Variants in ZBTB20 observed in about 807,000 individuals in gnomAD.
ZBTB20 encodes zinc finger and BTB domain-containing protein 20.
In ZBTB20, 9 loss-of-function variants were observed where a neutral mutation model predicts 56.9. That is an observed-to-expected ratio of 0.16 (90% confidence interval 0.10 to 0.28). The LOEUF (loss-of-function observed/expected upper bound fraction) is 0.28, where lower values mean the gene tolerates loss of function less well. ZBTB20 is among the 10% of genes least tolerant of loss of function. The probability of loss-of-function intolerance (pLI) is 1.00; values close to 1 mark genes in which losing one functional copy is unlikely to be tolerated. For synonymous variants in ZBTB20, 417 were observed against 420.7 expected (o/e 0.99, Z 0.11); for missense variants, 655 against 1,003.0 (o/e 0.65, Z 4.69).
chr3:115,048,555 CTT>C (rs2081422571), intron 2 of ZBTB20, among the ~76,000 whole-genome samples: 1 of 152,006 alleles, frequency 6.6e-6, no homozygotes, highest in Non-Finnish European at 1.5e-5. Context: ...GATAAATAAT[CTT>C]GACTAAATTA....
chr3:114,712,684 T>G (rs2064178395), intron 5 of ZBTB20, among the ~76,000 whole-genome samples: 1 of 151,474 alleles, frequency 6.6e-6, no homozygotes. Flanking sequence ...GTTCAGTTTG[T>G]TCACTAAAGG....
At chr3:115,122,430 C>G (rs2084209655) in intron 1 of ZBTB20, among the ~76,000 whole-genome samples, 1 of 152,054 alleles carries the variant, frequency 6.6e-6, no homozygotes, top group South Asian at 2.1e-4. Context: ...ATAGCTGTCT[C>G]TTGCTTCCCA....
At chr3:114,597,361 G>C (rs1221296529) in intron 6 of ZBTB20, among the ~76,000 whole-genome samples, 1 of 152,120 alleles carries the variant, frequency 6.6e-6, no homozygotes, top group Non-Finnish European at 1.5e-5. Context: ...GTTATAACTA[G>C]AACGACCAAG....
intron 6 of ZBTB20, among the ~76,000 whole-genome samples, chr3:114,636,930 A>AAACAACAACAACAACAACAAAAAAC (rs59308502): frequency 6.6e-6 from 1 of 151,682 alleles, no homozygotes; most frequent in Non-Finnish European, 1.5e-5. Flanking sequence ...CAACAACAAA[A>AAACAACAACAACAACAACAAAAAAC]AACAACAACA....
chr3:114,468,405 T>C (rs2092632771), intron 7 of ZBTB20, among the ~76,000 whole-genome samples: 2 of 152,280 alleles, frequency 1.3e-5, no homozygotes, highest in Admixed American at 1.3e-4. Flanking sequence ...TATTCACTTA[T>C]TTGTTTATAT....
At chr3:114,386,879 A>G (rs539985638) in intron 8 of ZBTB20, among the ~76,000 whole-genome samples, 93 of 152,328 alleles carry the variant, frequency 6.1e-4, no homozygotes, top group Non-Finnish European at 9.0e-4. Flanking sequence ...GTTCTGTCTT[A>G]GCTTCCATGT....
intron 3 of ZBTB20, among the ~76,000 whole-genome samples, chr3:114,927,475 T>C (rs2076201169): frequency 6.6e-6 from 1 of 152,182 alleles, no homozygotes; most frequent in Non-Finnish European, 1.5e-5. Flanking sequence ...CTGTCTCAGA[T>C]TTTTTAGTTT....
intron 6 of ZBTB20, among the ~76,000 whole-genome samples, chr3:114,594,704 T>C (rs1296582948): frequency 6.6e-6 from 1 of 152,160 alleles, no homozygotes; most frequent in Non-Finnish European, 1.5e-5. Flanking sequence ...GGTCTTAGTC[T>C]AGCAGGTAAG....
intron 7 of ZBTB20, among the ~76,000 whole-genome samples, chr3:114,430,258 A>G (rs543830184): frequency 5.3e-4 from 81 of 152,338 alleles, no homozygotes; most frequent in Non-Finnish European, 8.1e-4. Flanking sequence ...TACACAAATT[A>G]GCTCATTTAA....
intron 6 of ZBTB20, among the ~76,000 whole-genome samples, chr3:114,637,709 C>A (rs1560070313): frequency 6.6e-6 from 1 of 152,026 alleles, no homozygotes; most frequent in Non-Finnish European, 1.5e-5. Context: ...GAATAAGATA[C>A]AAATAAGACT....
chr3:114,382,074 C>T (rs530775807), intron 8 of ZBTB20, among the ~76,000 whole-genome samples: 6 of 152,340 alleles, frequency 3.9e-5, no homozygotes, highest in African/African-American at 1.4e-4. Context: ...AATGCTTTCT[C>T]TAAGGTCCAT....
intron 2 of ZBTB20, among the ~76,000 whole-genome samples, chr3:115,045,892 AC>A (rs2081316889): frequency 6.6e-6 from 1 of 152,166 alleles, no homozygotes; most frequent in African/African-American, 2.4e-5. Context: ...CTGCTAGATC[AC>A]TTGATGAGGG....
At chr3:115,005,298 G>T (rs2079418554) in intron 2 of ZBTB20, among the ~76,000 whole-genome samples, 1 of 151,468 alleles carries the variant, frequency 6.6e-6, no homozygotes, top group South Asian at 2.1e-4. Context: ...TGTATTTATT[G>T]TATGTGTATT....
At chr3:114,384,260 A>G (rs1429420636) in intron 8 of ZBTB20, among the ~76,000 whole-genome samples, 2 of 152,110 alleles carry the variant, frequency 1.3e-5, no homozygotes, top group Non-Finnish European at 2.9e-5. Context: ...TGAAAAAGTT[A>G]GACAAGCCAA....
intron 7 of ZBTB20, among the ~76,000 whole-genome samples, chr3:114,484,811 GTGTGTGTGCGCGTGCA>G (rs2041935695): frequency 6.6e-6 from 1 of 151,938 alleles, no homozygotes; most frequent in Non-Finnish European, 1.5e-5. Flanking sequence ...GTGTGTGTGT[GTGTGTGTGCGCGTGCA>G]TGTGTGTGTG....
chr3:114,972,917 T>TA (rs2077947730), intron 3 of ZBTB20, among the ~76,000 whole-genome samples: 1 of 152,024 alleles, frequency 6.6e-6, no homozygotes, highest in Non-Finnish European at 1.5e-5. Context: ...TATGGTAACT[T>TA]AAACTCATAA....
chr3:115,096,927 C>T (rs933203544), intron 1 of ZBTB20, among the ~76,000 whole-genome samples: 2 of 152,164 alleles, frequency 1.3e-5, no homozygotes, highest in African/African-American at 4.8e-5. Context: ...TATTTGTTAA[C>T]ATTTCATGGG....
intron 6 of ZBTB20, among the ~76,000 whole-genome samples, chr3:114,548,922 T>C (rs777198084): frequency 1.9e-4 from 29 of 152,166 alleles, no homozygotes; most frequent in African/African-American, 5.3e-4. Context: ...AAAAGGTACA[T>C]TGAAGAAAAC....
At chr3:114,718,210 C>A (rs917760334) in intron 5 of ZBTB20, among the ~76,000 whole-genome samples, 12 of 152,104 alleles carry the variant, frequency 7.9e-5, no homozygotes, top group Admixed American at 2.6e-4. Context: ...AATTGCTCCA[C>A]CCAGTTTCTT....
Sources: allele counts gnomAD v4.1 joint callset (sites outside exome capture counted in the v4.1 genomes callset), GRCh38; gene constraint gnomAD v4.1.1; transcripts MANE v1.5; gene names NCBI Gene and HGNC (gene_info 2026-07-23, HGNC 2026-07-21).